PCDHB16: variants seen among roughly 807,000 people sequenced by gnomAD.
PCDHB16 encodes the protein protocadherin beta-16.
For missense variants in PCDHB16, 1,026 were observed against 989.9 expected, an observed-to-expected ratio of 1.04 and a Z score of -0.49; for synonymous variants, 444 against 436.5, an observed-to-expected ratio of 1.02 and a Z score of -0.21.
chr5:141,186,220 G>T lies in PCDHB16; in HGVS notation c.*1330G>T. ...TTTGAATAAAATTCTATGTGAGTCAGATTTAATAATTTGTTTTCACTTTCA... is the reference window on the plus strand; with the variant it reads ...TTTGAATAAAATTCTATGTGAGTCATATTTAATAATTTGTTTTCACTTTCA... On this transcript the variant is annotated 3_prime_UTR_variant, in exon 1 of 1. Coordinates refer to ENST00000609684, the MANE Select transcript of PCDHB16 (RefSeq NM_020957.4). The T allele has an allele frequency of 1.0e-6, 1 of 989,514 alleles. No individual in the cohort carries two copies. The highest frequency in any genetic ancestry group is 1.2e-6 in the Non-Finnish European group (1 of 820,696). The allele number at this position is 989,514 out of a possible 1,614,324, so 61.3% of individuals were successfully genotyped here.
rs568748617 is a variant in PCDHB16 at position 141,184,275 on chromosome 5, C to T, written c.1716C>T (p.Cys572=). Residue 572 remains cysteine (C), a synonymous_variant, in exon 1 of 1, where the codon TGC becomes TGT. Transcript: ENST00000609684. ...CGCTGCAGAACGGCTCCGCGCCCTG[C>T]ACTGAGCTGGTGCCCCGGGCGGCCG... ...LYPLQNGSAP[C]TELVPRAAEP... is the part of the protein sequence containing the mutation. 15 of 1,593,212 alleles carry T rather than the reference C, an allele frequency of 9.4e-6. 1 individual carries two copies. The South Asian group carries it at 1.2e-4, about 13-fold the overall frequency.
Position 141,185,235 on chromosome 5 carries a change from C to T in PCDHB16, c.*345C>T, listed in dbSNP as rs529017549. The T allele has an allele frequency of 2.2e-5, 22 of 1,017,560 alleles. No individual in the cohort carries two copies. Among genetic ancestry groups the T allele is most frequent in the Admixed American group, 5.0e-5 (1 of 20,196 alleles). 63.0% of individuals were successfully genotyped at this position (1,017,560 alleles called of 1,614,324 possible). A position where few individuals can be genotyped will look rare whatever the true frequency, so the allele number is the denominator to read the frequency against. On this transcript the variant is annotated 3_prime_UTR_variant, in exon 1 of 1. Coordinates refer to ENST00000609684, the MANE Select transcript of PCDHB16 (RefSeq NM_020957.4). The stretch of plus-strand genomic sequence containing the variant: ...ATTTTTTGCTCCATTTTTCATGTTA[C>T]TTCTCAGTTTCCTAGAACTTCAAGT...
chr5:141,183,077 G>A lies in PCDHB16; in HGVS notation c.518G>A (p.Ser173Asn). ...GSNNVQNYKI[S>N]PSSHFRVLIH... Reference sequence around the variant, plus strand: ...AATAATGTTCAAAACTATAAAATCAGCCCAAGCTCTCATTTCCGGGTTCTA... The same window carrying A: ...AATAATGTTCAAAACTATAAAATCAACCCAAGCTCTCATTTCCGGGTTCTA... Residue 173 changes from serine (S) to asparagine (N), a missense_variant, in exon 1 of 1, where the codon AGC becomes AAC. Transcript: ENST00000609684. The A allele has an allele frequency of 5.6e-6, 9 of 1,614,170 alleles. No individual in the cohort carries two copies. Among genetic ancestry groups the A allele is most frequent in the Non-Finnish European group, 7.6e-6 (9 of 1,180,044 alleles).
Position 141,185,381 on chromosome 5 carries a change from G to GTTTC in PCDHB16, c.*503_*506dup, listed in dbSNP as rs1362727926. The stretch of plus-strand genomic sequence containing the variant: ...TTTTCATTATAATACTTTTCTTAAA[G>GTTTC]TTTCTTTCTTTCTTTTCTTTTCTTT... On this transcript the variant is annotated 3_prime_UTR_variant, in exon 1 of 1. Coordinates refer to ENST00000609684, the MANE Select transcript of PCDHB16 (RefSeq NM_020957.4). 4.0e-6 allele frequency: 3 copies of GTTTC among 758,900 alleles called. No individual in the cohort carries two copies. The African/African-American group carries it at 5.8e-5, about 15-fold the overall frequency. 47.0% of individuals were successfully genotyped at this position (758,900 alleles called of 1,614,324 possible).
At position 141,184,886 on chromosome 5, in the gene PCDHB16, C is replaced by T; in HGVS notation, c.2327C>T (p.Pro776Leu). Residue 776 changes from proline (P) to leucine (L), a missense_variant, in exon 1 of 1, where the codon CCT becomes CTT. Physicochemically the swap from Pro to Leu is moderately conservative, Grantham distance 98. Coordinates refer to ENST00000609684, the MANE Select transcript of PCDHB16 (RefSeq NM_020957.4). ...AAGCCGATTATCCCCAACTTCTCTC[C>T]TTAGGGCACTAGGAAAGAAATAGAT... ...FLKPIIPNFSP is the reference protein window; with the variant it reads ...FLKPIIPNFSL The T allele has an allele frequency of 6.2e-7, 1 of 1,614,022 alleles. No homozygotes were observed. Among genetic ancestry groups the T allele is most frequent in the Non-Finnish European group, 8.5e-7 (1 of 1,179,934 alleles).
rs782687512 is a variant in PCDHB16 at position 141,183,475 on chromosome 5, C to A, written c.916C>A (p.Gln306Lys). 1.9e-6 allele frequency: 3 copies of A among 1,614,186 alleles called. No homozygotes were observed. The highest frequency in any genetic ancestry group is 2.5e-6 in the Non-Finnish European group (3 of 1,180,040). Residue 306 changes from glutamine to lysine, a missense_variant, in exon 1 of 1, where the codon CAA (glutamine) becomes AAA (lysine). Physicochemically the swap from Gln to Lys is moderately conservative, Grantham distance 53. Coordinates refer to ENST00000609684, the MANE Select transcript of PCDHB16 (RefSeq NM_020957.4). ...PMTGEVRLRK[Q>K]VDFEMVTSYE... ...GACAGGGGAAGTTCGACTGAGAAAGCAAGTAGATTTCGAAATGGTTACGTC... is the reference window on the plus strand; with the variant it reads ...GACAGGGGAAGTTCGACTGAGAAAGAAAGTAGATTTCGAAATGGTTACGTC...
rs1233271629 is a variant in PCDHB16 at position 141,186,156 on chromosome 5, A to G, written c.*1266A>G. 2.0e-6 allele frequency: 2 copies of G among 994,774 alleles called. No individual in the cohort carries two copies. The highest frequency in any genetic ancestry group is 2.4e-6 in the Non-Finnish European group (2 of 825,294). The allele number at this position is 994,774 out of a possible 1,614,324, so 61.6% of individuals were successfully genotyped here. On this transcript the variant is annotated 3_prime_UTR_variant, in exon 1 of 1. Transcript: ENST00000609684. ...TATGTTTAATCTGTATTTCTTGCTT[A>G]TTATATGTAAAGTTGAGCTTCTTTC...
At position 141,185,705 on chromosome 5, in the gene PCDHB16, A is replaced by C; in HGVS notation, c.*815A>C. ...GGCATAAGCCAATGTGCCCATCCAA[A>C]GTTTTATTTATTTATTTTTTTGAGA... On this transcript the variant is annotated 3_prime_UTR_variant, in exon 1 of 1. Transcript: ENST00000609684. 1 of 997,166 alleles carries C rather than the reference A, an allele frequency of 1.0e-6. No homozygotes were observed. The highest frequency in any genetic ancestry group is 1.2e-6 in the Non-Finnish European group (1 of 827,418). The allele number at this position is 997,166 out of a possible 1,614,324, so 61.8% of individuals were successfully genotyped here.
chr5:141,182,576 T>C lies in PCDHB16; in HGVS notation c.17T>C (p.Met6Thr), dbSNP rs1437582399. ...GAAAAAGCAATGGAGATTGGATGGA[T>C]GCACAATCGGAGACAAAGGCAAGTC... The part of the protein sequence containing the change: MEIGW[M>T]HNRRQRQVLV... Residue 6 changes from methionine (M) to threonine (T), a missense_variant, in exon 1 of 1, where the codon ATG becomes ACG. Physicochemically the swap from Met to Thr is moderately conservative, Grantham distance 81. Coordinates refer to ENST00000609684, the MANE Select transcript of PCDHB16 (RefSeq NM_020957.4). 1 of 1,521,270 alleles carries C rather than the reference T, an allele frequency of 6.6e-7. No individual in the cohort carries two copies. The highest frequency in any genetic ancestry group is 1.4e-5 in the African/African-American group (1 of 71,718). The allele number at this position is 1,521,270 out of a possible 1,614,324, so 94.2% of individuals were successfully genotyped here. A position where few individuals can be genotyped will look rare whatever the true frequency, so the allele number is the denominator to read the frequency against.
In PCDHB16 at chr5:141,186,100, G is replaced by C. The variant is rs575811781; in HGVS notation, c.*1210G>C. The C allele has an allele frequency of 8.0e-6, 8 of 998,996 alleles. No individual in the cohort carries two copies. The highest frequency in any genetic ancestry group is 1.8e-5 in the African/African-American group (1 of 57,082). 61.9% of individuals were successfully genotyped at this position (998,996 alleles called of 1,614,324 possible). A position where few individuals can be genotyped will look rare whatever the true frequency, so the allele number is the denominator to read the frequency against. ...TATATTCATCATAGTATACATTGGC[G>C]GTATCTAGCCCTTTCTCTGTAAAAT... On this transcript the variant is annotated 3_prime_UTR_variant, in exon 1 of 1. Transcript: ENST00000609684.
At position 141,184,723 on chromosome 5, in the gene PCDHB16, G is replaced by A. The variant is rs1171052864; in HGVS notation, c.2164G>A (p.Val722Met). The part of the protein sequence containing the change: ...RLCRRSRAAS[V>M]GRCSMPEGPF... ...GTGCAGGAGGAGCAGGGCGGCCTCG[G>A]TGGGCCGCTGCTCGATGCCTGAGGG... is the stretch of plus-strand genomic sequence containing the variant. The change falls in exon 1 of 1, where the codon GTG becomes ATG. Residue 722 changes from valine to methionine, a missense_variant. Transcript: ENST00000609684. The A allele has an allele frequency of 5.0e-6, 8 of 1,614,056 alleles. No individual in the cohort carries two copies. The highest frequency in any genetic ancestry group is 2.7e-5 in the African/African-American group (2 of 75,064).
Position 141,182,969 on chromosome 5 carries a change from A to G in PCDHB16, c.410A>G (p.Glu137Gly). The G allele has an allele frequency of 6.2e-7, 1 of 1,614,208 alleles. No homozygotes were observed. Among genetic ancestry groups the G allele is most frequent in the Non-Finnish European group, 8.5e-7 (1 of 1,180,014 alleles). Residue 137 changes from glutamate (E) to glycine (G), a missense_variant, in exon 1 of 1, where the codon GAA becomes GGA. Physicochemically the swap from Glu to Gly is moderately conservative, Grantham distance 98. Coordinates refer to ENST00000609684, the MANE Select transcript of PCDHB16 (RefSeq NM_020957.4). ...CATTCTCCCATGTTCACTGAAAAGG[A>G]AATGATTCTAAAAATACCGGAAAAC... is the stretch of plus-strand genomic sequence containing the variant. The part of the protein sequence containing the change: ...NDHSPMFTEK[E>G]MILKIPENSP...
chr5:141,183,781 G>C lies in PCDHB16; in HGVS notation c.1222G>C (p.Ala408Pro), dbSNP rs1753634221. ...CTTTTACACCTTGGTAACGGAGAGA[G>C]CACTCGACAGAGAAGCAAGAGCTGA... is the stretch of plus-strand genomic sequence containing the variant. ...KNFYTLVTERALDREARAEYN... is the reference protein window; with the variant it reads ...KNFYTLVTERPLDREARAEYN... The change falls in exon 1 of 1, where the codon GCA becomes CCA. Residue 408 changes from alanine (A) to proline (P), a missense_variant. Physicochemically the swap from Ala to Pro is conservative, Grantham distance 27 (BLOSUM62 -1). Coordinates refer to ENST00000609684, the MANE Select transcript of PCDHB16 (RefSeq NM_020957.4). 7.4e-6 allele frequency: 12 copies of C among 1,614,070 alleles called. No homozygotes were observed. Among genetic ancestry groups the C allele is most frequent in the African/African-American group, 1.3e-5 (1 of 74,924 alleles).
rs146879322 is a variant in PCDHB16, at chr5:141,182,987, C to T, written c.428C>T (p.Pro143Leu). The change falls in exon 1 of 1, where the codon CCG becomes CTG. Residue 143 changes from proline (P) to leucine (L), a missense_variant. Physicochemically the swap from Pro to Leu is moderately conservative, Grantham distance 98. Coordinates refer to ENST00000609684, the MANE Select transcript of PCDHB16 (RefSeq NM_020957.4). ...GAAAAGGAAATGATTCTAAAAATAC[C>T]GGAAAACAGTCCTCTAGGAACTGAG... ...FTEKEMILKI[P>L]ENSPLGTEFP... is the part of the protein sequence containing the mutation. 2 of 1,614,122 alleles carry T rather than the reference C, an allele frequency of 1.2e-6. No individual in the cohort carries two copies. The highest frequency in any genetic ancestry group is 1.7e-6 in the Non-Finnish European group (2 of 1,180,002).
chr5:141,183,717 G>A lies in PCDHB16; in HGVS notation c.1158G>A (p.Gln386=), dbSNP rs781950981. The A allele has an allele frequency of 3.1e-6, 5 of 1,614,026 alleles. No homozygotes were observed. In the Admixed American group the frequency reaches 6.7e-5, roughly 22 times the overall value. The change falls in exon 1 of 1, where the codon CAG becomes CAA. Residue 386 remains glutamine, a synonymous_variant. Transcript: ENST00000609684. ...ATGGGAAGACGATTTCCTCCATCCA[G>A]GAAGACCTTCCCTTTCTTCTAAAAC... The part of the protein sequence containing the change: ...GNNGKTISSI[Q]EDLPFLLKPS...
At position 141,184,866 on chromosome 5, in the gene PCDHB16, G is replaced by T. The variant is rs781818504; in HGVS notation, c.2307G>T (p.Pro769=). Residue 769 remains proline, a synonymous_variant, in exon 1 of 1, where the codon CCG becomes CCT. Transcript: ENST00000609684. ...SETSEFKFLK[P]IIPNFSP The stretch of plus-strand genomic sequence containing the variant: ...CAAGTGAGTTCAAGTTCCTGAAGCC[G>T]ATTATCCCCAACTTCTCTCCTTAGG... 5.6e-6 allele frequency: 9 copies of T among 1,614,066 alleles called. No individual in the cohort carries two copies. Among genetic ancestry groups the T allele is most frequent in the Middle Eastern group, 1.6e-4 (1 of 6,084 alleles).
In PCDHB16 at chr5:141,183,273, C is replaced by G; in HGVS notation, c.714C>G (p.Asn238Lys). ...TTGAAGTGGTGGACATCAATGATAACGCTCCTGAGTTTGAGCAGCCCATCT... is the reference window on the plus strand; with the variant it reads ...TTGAAGTGGTGGACATCAATGATAAGGCTCCTGAGTTTGAGCAGCCCATCT... ...VRIEVVDIND[N>K]APEFEQPIYK... The change falls in exon 1 of 1, where the codon AAC becomes AAG. Residue 238 changes from asparagine (N) to lysine (K), a missense_variant. Coordinates refer to ENST00000609684, the MANE Select transcript of PCDHB16 (RefSeq NM_020957.4). 6.2e-7 allele frequency: 1 copy of G among 1,614,174 alleles called. No individual in the cohort carries two copies. Among genetic ancestry groups the G allele is most frequent in the Non-Finnish European group, 8.5e-7 (1 of 1,180,028 alleles).
rs4151695 is a variant in PCDHB16 at position 141,182,498 on chromosome 5, A to G, written c.-62A>G. On this transcript the variant is annotated 5_prime_UTR_variant, in exon 1 of 1. Coordinates refer to ENST00000609684, the MANE Select transcript of PCDHB16 (RefSeq NM_020957.4). ...GTTCTGACATTCTGGACTGCAAAAC[A>G]GTTCTACTAGGATCCTGGGGATACA... The G allele has an allele frequency of 8.4e-6, 12 of 1,428,076 alleles. No individual in the cohort carries two copies. Among genetic ancestry groups the G allele is most frequent in the Non-Finnish European group, 1.1e-5 (12 of 1,064,598 alleles). The allele number at this position is 1,428,076 out of a possible 1,614,324, so 88.5% of individuals were successfully genotyped here. A position where few individuals can be genotyped will look rare whatever the true frequency, so the allele number is the denominator to read the frequency against.
At position 141,182,548 on chromosome 5, in the gene PCDHB16, C is replaced by T. The variant is rs1424810421; in HGVS notation, c.-12C>T. 1.3e-6 allele frequency: 2 copies of T among 1,509,158 alleles called. No individual in the cohort carries two copies. Among genetic ancestry groups the T allele is most frequent in the Non-Finnish European group, 1.8e-6 (2 of 1,129,622 alleles). 93.5% of individuals were successfully genotyped at this position (1,509,158 alleles called of 1,614,324 possible). A position where few individuals can be genotyped will look rare whatever the true frequency, so the allele number is the denominator to read the frequency against. ...ATGAAGCTTCTGTGAACCAACTTTT[C>T]AAGAAAAAGCAATGGAGATTGGATG... On this transcript the variant is annotated 5_prime_UTR_variant, in exon 1 of 1. Coordinates refer to ENST00000609684, the MANE Select transcript of PCDHB16 (RefSeq NM_020957.4).
Sources: allele counts gnomAD v4.1 joint callset, GRCh38; gene constraint gnomAD v4.1.1; transcripts MANE v1.5; gene names NCBI Gene and HGNC (gene_info 2026-07-23, HGNC 2026-07-21).